CCT2: variants seen among roughly 807,000 people sequenced by gnomAD.
CCT2 encodes chaperonin containing TCP1 subunit 2.
CCT2 carries 18 observed loss-of-function variants against 61.8 expected under a neutral mutation model. The observed-to-expected ratio is 0.29, with a 90% CI of 0.20 to 0.43. The LOEUF (loss-of-function observed/expected upper bound fraction) is 0.43. CCT2 is among the 20% of genes least tolerant of loss of function. CCT2 has a pLI of 1.00. For missense variants in CCT2, 556 were observed against 656.9 expected (o/e 0.85, Z 1.68); for synonymous variants, 248 against 215.9 (o/e 1.15, Z -1.30).
intron 7 of CCT2, among the ~76,000 whole-genome samples, chr12:69,590,984 A>G (rs11177737): frequency 0.045 from 6,811 of 151,416 alleles, 497 homozygotes; most frequent in African/African-American, 0.16. Context: ...CTCCCAAAGT[A>G]CTGGGATTAC....
intron 3 of CCT2, chr12:69,587,077 T>C: frequency 2.6e-6 from 1 of 388,816 alleles, no homozygotes; most frequent in Non-Finnish European, 4.5e-6. Flanking sequence ...TACTTCATTA[T>C]GTATTTTATA....
rs201266233 is a variant in CCT2 at position 69,591,537 on chromosome 12, T to A, written c.650-522T>A. On this transcript the variant is annotated intron_variant, in intron 7 of 15. Transcript: ENST00000299300. ...TGGTGATTTTAAGCTAATAAAAATA[T>A]AGGACTTAACCTATTGTCTTTATAT... Among the ~76,000 whole-genome samples, 51 of 28,438 alleles carry A rather than the reference T, an allele frequency of 1.8e-3. 1 individual carries two copies. The highest frequency in any genetic ancestry group is 6.1e-3 in the Admixed American group (14 of 2,300). 18.7% of individuals were successfully genotyped at this position (28,438 alleles called of 152,430 possible).
chr12:69,592,770 A>G (rs569991203), intron 8 of CCT2: 11 of 399,200 alleles, frequency 2.8e-5, no homozygotes, highest in African/African-American at 2.1e-4. Context: ...TTTACTAAAA[A>G]TACAAAAATT....
At chr12:69,599,273 G>A (rs1882081945) in intron 14 of CCT2, among the ~76,000 whole-genome samples, 1 of 152,124 alleles carries the variant, frequency 6.6e-6, no homozygotes. Flanking sequence ...TTTTCTTAGA[G>A]ATGGGGGGGC....
At chr12:69,593,947 T>C (rs1881910921) in intron 10 of CCT2, among the ~76,000 whole-genome samples, 2 of 151,414 alleles carry the variant, frequency 1.3e-5, no homozygotes, top group African/African-American at 4.9e-5. Context: ...AGACCAACTT[T>C]GGCAACATTG....
At chr12:69,600,472 G>A (rs1882117123) in intron 15 of CCT2, among the ~76,000 whole-genome samples, 2 of 152,170 alleles carry the variant, frequency 1.3e-5, no homozygotes, top group Admixed American at 1.3e-4. Context: ...TAGAGATCAG[G>A]TATCTTTTAT....
chr12:69,588,191 C>A lies in CCT2; in HGVS notation c.375C>A (p.Thr125=). ...SLIAKKIHPQ[T]IIAGWREATK... ...TTGCAAAAAAGATTCATCCACAGACCATCATAGCGGGTTGGAGAGAAGCCA... is the reference window on the plus strand; with the variant it reads ...TTGCAAAAAAGATTCATCCACAGACAATCATAGCGGGTTGGAGAGAAGCCA... The change falls in exon 6 of 16, where the codon ACC becomes ACA. Residue 125 remains threonine (T), a synonymous_variant. Transcript: ENST00000299300. 1 of 1,613,974 alleles carries A rather than the reference C, an allele frequency of 6.2e-7. No individual in the cohort carries two copies. Among genetic ancestry groups the A allele is most frequent in the Non-Finnish European group, 8.5e-7 (1 of 1,179,932 alleles).
intron 7 of CCT2, among the ~76,000 whole-genome samples, chr12:69,590,237 C>A (rs772174993): frequency 1.3e-5 from 2 of 152,212 alleles, no homozygotes; most frequent in Non-Finnish European, 2.9e-5. Flanking sequence ...CTTTTCAAAT[C>A]TGCTGGTTCC....
Position 69,593,035 on chromosome 12 carries a change from G to A in CCT2, c.810G>A (p.Ala270=), listed in dbSNP as rs1383002360. 6.8e-6 allele frequency: 11 copies of A among 1,613,036 alleles called. No individual in the cohort carries two copies. Among genetic ancestry groups the A allele is most frequent in the East Asian group, 2.2e-5 (1 of 44,870 alleles). ...STAKVAEIEH[A]EKEKMKEKVE... is the part of the protein sequence containing the mutation. The stretch of plus-strand genomic sequence containing the variant: ...CAAAGGTTGCAGAAATAGAACATGC[G>A]GAAAAGGAAAAAATGAAGGAGAAAG... Residue 270 remains alanine, a synonymous_variant, in exon 9 of 16, where the codon GCG becomes GCA. Transcript: ENST00000299300.
At chr12:69,585,873 A>AGAGGGTGGAGGGGCCGCAGCCTTCC in intron 1 of CCT2, 1 of 1,296,018 alleles carries the variant, frequency 7.7e-7, no homozygotes, top group Non-Finnish European at 9.8e-7. Flanking sequence ...CTGAGCCATC[A>AGAGGGTGGAGGGGCCGCAGCCTTCC]GAGGGTGGAG....
chr12:69,592,923 A>G (rs773498909), intron 8 of CCT2, 53 bp from the exon 9 acceptor site: 138 of 1,578,270 alleles, frequency 8.7e-5, no homozygotes, highest in Middle Eastern at 3.4e-4. Context: ...GCGAGACTCA[A>G]TCTCAAAAAA....
chr12:69,586,224 A>G (rs1487725617), intron 1 of CCT2, 46 bp from the exon 2 acceptor site: 13 of 1,383,320 alleles, frequency 9.4e-6, no homozygotes, highest in South Asian at 4.6e-5. Flanking sequence ...TGTATGTGTT[A>G]GAGTATTGGT....
At chr12:69,596,466 C>T (rs914713653) in intron 10 of CCT2, among the ~76,000 whole-genome samples, 16 of 152,138 alleles carry the variant, frequency 1.1e-4, no homozygotes, top group Non-Finnish European at 8.8e-5. Flanking sequence ...AGTGGCTGAC[C>T]TGTTCAGTTT....
intron 1 of CCT2, chr12:69,585,995 G>T: frequency 7.5e-7 from 1 of 1,333,314 alleles, no homozygotes; most frequent in Non-Finnish European, 9.6e-7. Context: ...GTTCAAGATC[G>T]TCTTTAGTCT....
intron 2 of CCT2, 123 bp from the exon 3 acceptor site, chr12:69,586,630 T>C (rs1881669600): frequency 1.4e-6 from 1 of 734,952 alleles, no homozygotes; most frequent in Admixed American, 2.4e-5. Flanking sequence ...ATCGCGCCAT[T>C]GCACTCCAGC....
At chr12:69,596,119 T>C (rs710769) in intron 10 of CCT2, among the ~76,000 whole-genome samples, 67,994 of 152,084 alleles carry the variant, frequency 0.45, 16,342 homozygotes, top group East Asian at 0.64. Flanking sequence ...AGTGAAAAGT[T>C]TCATAAGCCA....
At chr12:69,589,863 C>G in intron 7 of CCT2, 176 bp downstream of exon 7, 4 of 599,118 alleles carry the variant, frequency 6.7e-6, no homozygotes, top group Non-Finnish European at 8.9e-6. Flanking sequence ...TCTTCCCGCG[C>G]TATTCCAGCA....
At chr12:69,591,023 C>T (rs570752620) in intron 7 of CCT2, among the ~76,000 whole-genome samples, 6 of 152,014 alleles carry the variant, frequency 3.9e-5, no homozygotes, top group South Asian at 4.1e-4. Flanking sequence ...CTGGCCGCTG[C>T]GTAGCATTTC....
chr12:69,596,037 C>T (rs572658829), intron 10 of CCT2, among the ~76,000 whole-genome samples: 15 of 152,276 alleles, frequency 9.9e-5, no homozygotes, highest in East Asian at 1.9e-4. Flanking sequence ...ATAGTCATTG[C>T]GCTCCAGTCT....
Sources: allele counts gnomAD v4.1 joint callset (sites outside exome capture counted in the v4.1 genomes callset), GRCh38; gene constraint gnomAD v4.1.1; transcripts MANE v1.5; gene names NCBI Gene and HGNC (gene_info 2026-07-23, HGNC 2026-07-21).